Variants in KCNH8 observed in about 807,000 individuals in gnomAD.
KCNH8 encodes voltage-gated delayed rectifier potassium channel KCNH8.
In KCNH8, 70 loss-of-function variants were observed where a neutral mutation model predicts 103.6. That is an observed-to-expected ratio of 0.68 (90% CI 0.56 to 0.82). KCNH8 has a LOEUF of 0.82. Ranked by LOEUF, KCNH8 falls within the 40% of genes least tolerant of loss-of-function variation. KCNH8 has a pLI of 0.00. For synonymous variants in KCNH8, 498 were observed against 489.4 expected (o/e 1.02, Z -0.23); for missense variants, 1,217 against 1,329.9 (o/e 0.92, Z 1.32).
At chr3:19,315,648 C>G (rs1397034586) in intron 3 of KCNH8, among the ~76,000 whole-genome samples, 1 of 151,772 alleles carries the variant, frequency 6.6e-6, no homozygotes, top group African/African-American at 2.4e-5. Context: ...CTATGTTGGC[C>G]CATCTGGAAT....
chr3:19,530,736 GACT>G (rs2069146109), intron 15 of KCNH8, among the ~76,000 whole-genome samples: 3 of 152,090 alleles, frequency 2.0e-5, no homozygotes, highest in African/African-American at 7.2e-5. Flanking sequence ...TTTACGTTCT[GACT>G]ACATTAGGAA....
chr3:19,444,839 C>T (rs2067339041), intron 8 of KCNH8, among the ~76,000 whole-genome samples: 1 of 151,878 alleles, frequency 6.6e-6, no homozygotes, highest in Non-Finnish European at 1.5e-5. Context: ...AACACTGCAA[C>T]CCTAAGTGTT....
intron 15 of KCNH8, among the ~76,000 whole-genome samples, chr3:19,520,856 A>G (rs944131751): frequency 6.6e-6 from 1 of 151,988 alleles, no homozygotes; most frequent in Non-Finnish European, 1.5e-5. Flanking sequence ...ACATAAAGAA[A>G]GTGTTCATCA....
chr3:19,204,486 C>T (rs527674305), intron 1 of KCNH8, among the ~76,000 whole-genome samples: 1 of 151,914 alleles, frequency 6.6e-6, no homozygotes, highest in South Asian at 2.1e-4. Context: ...ATAAACAGAC[C>T]TACTTTCAGG....
chr3:19,318,137 A>G (rs534977421), intron 3 of KCNH8, among the ~76,000 whole-genome samples: 1 of 152,114 alleles, frequency 6.6e-6, no homozygotes, highest in South Asian at 2.1e-4. Context: ...ATCTGAGGAT[A>G]CAAAACAAAT....
intron 15 of KCNH8, among the ~76,000 whole-genome samples, chr3:19,532,822 CT>C (rs2069186918): frequency 6.6e-6 from 1 of 152,166 alleles, no homozygotes; most frequent in African/African-American, 2.4e-5. Flanking sequence ...ATGAGGATGT[CT>C]TTAGATCAGG....
chr3:19,500,089 G>A (rs2068543330), intron 11 of KCNH8, among the ~76,000 whole-genome samples: 2 of 152,096 alleles, frequency 1.3e-5, no homozygotes, highest in Non-Finnish European at 2.9e-5. Context: ...AAAGGACGGA[G>A]GAAGATCTAC....
chr3:19,255,949 A>C (rs2064341287), intron 2 of KCNH8, among the ~76,000 whole-genome samples: 1 of 152,252 alleles, frequency 6.6e-6, no homozygotes, highest in Non-Finnish European at 1.5e-5. Context: ...CCAGACAACA[A>C]AATTTCTATC....
At chr3:19,295,776 G>T (rs375574601) in intron 3 of KCNH8, among the ~76,000 whole-genome samples, 1 of 152,238 alleles carries the variant, frequency 6.6e-6, no homozygotes, top group East Asian at 1.9e-4. Flanking sequence ...TTTATATGGG[G>T]TTACTGAGGT....
At chr3:19,328,621 GA>G (rs35583766) in intron 3 of KCNH8, among the ~76,000 whole-genome samples, 6 of 151,966 alleles carry the variant, frequency 3.9e-5, no homozygotes, top group East Asian at 1.9e-4. Flanking sequence ...AAATTCTGTG[GA>G]AAAAAATATA....
intron 8 of KCNH8, among the ~76,000 whole-genome samples, chr3:19,442,985 C>G (rs1022361222): frequency 1.1e-4 from 17 of 151,844 alleles, no homozygotes; most frequent in Admixed American, 3.3e-4. Context: ...TCACTAAGAC[C>G]TGGCAAACTT....
chr3:19,503,647 A>T (rs930977520), intron 11 of KCNH8, among the ~76,000 whole-genome samples: 22 of 152,116 alleles, frequency 1.4e-4, no homozygotes, highest in East Asian at 1.9e-4. Context: ...ATTAAATTGG[A>T]AATCATCATT....
At chr3:19,438,586 T>G (rs181164207) in intron 8 of KCNH8, among the ~76,000 whole-genome samples, 3 of 152,148 alleles carry the variant, frequency 2.0e-5, no homozygotes, top group Non-Finnish European at 2.9e-5. Context: ...TTAAGAAGAA[T>G]GGAGCAAGAT....
intron 1 of KCNH8, among the ~76,000 whole-genome samples, chr3:19,158,916 C>T (rs558922065): frequency 6.6e-6 from 1 of 151,830 alleles, no homozygotes; most frequent in Admixed American, 6.6e-5. Flanking sequence ...TGTTTAATTG[C>T]TTTGGCATTT....
intron 1 of KCNH8, among the ~76,000 whole-genome samples, chr3:19,246,034 GA>G (rs1045128852): frequency 4.6e-5 from 7 of 152,004 alleles, no homozygotes; most frequent in African/African-American, 1.7e-4. Flanking sequence ...CATATAGGTG[GA>G]AAAGTGAAAT....
At chr3:19,372,615 C>T (rs1280702809) in intron 5 of KCNH8, among the ~76,000 whole-genome samples, 1 of 152,114 alleles carries the variant, frequency 6.6e-6, no homozygotes, top group Non-Finnish European at 1.5e-5. Context: ...CCTTCTCCTG[C>T]CTAATTGCCC....
intron 1 of KCNH8, among the ~76,000 whole-genome samples, chr3:19,186,026 G>T (rs905604682): frequency 4.0e-5 from 6 of 151,846 alleles, no homozygotes; most frequent in African/African-American, 1.4e-4. Context: ...AAACTTTAGT[G>T]TCTCATGGAA....
At chr3:19,362,813 C>G (rs1025479552) in intron 5 of KCNH8, among the ~76,000 whole-genome samples, 3 of 152,090 alleles carry the variant, frequency 2.0e-5, no homozygotes, top group African/African-American at 7.2e-5. Flanking sequence ...CATGTGCCAT[C>G]ACGCCTGGCT....
chr3:19,516,875 A>AATTT (rs1393395483), intron 14 of KCNH8, among the ~76,000 whole-genome samples: 1 of 152,064 alleles, frequency 6.6e-6, no homozygotes, highest in East Asian at 1.9e-4. Context: ...TATTAATTCA[A>AATTT]ATTTATTTGT....
Sources: allele counts gnomAD v4.1 joint callset (sites outside exome capture counted in the v4.1 genomes callset), GRCh38; gene constraint gnomAD v4.1.1; transcripts MANE v1.5; gene names NCBI Gene and HGNC (gene_info 2026-07-23, HGNC 2026-07-21).